The following ESRRG variants were observed in gnomAD, a reference collection of about 807,000 sequenced individuals.
ESRRG encodes estrogen-related receptor gamma.
In ESRRG, 13 loss-of-function variants were observed where a neutral mutation model predicts 44.0. The ratio of observed to expected loss-of-function variants is 0.30; its 90% CI spans 0.19 to 0.47. ESRRG has a LOEUF of 0.47. Among genes scored for constraint, ESRRG ranks in the 20% least tolerant of loss-of-function variants. ESRRG has a pLI of 1.00. For missense variants in ESRRG, 395 were observed against 580.6 expected (o/e 0.68, Z 3.29); for synonymous variants, 215 against 214.6 (o/e 1.00, Z -0.02).
At chr1:216,614,708 C>A (rs1231565104) in intron 3 of ESRRG, among the ~76,000 whole-genome samples, 1 of 152,162 alleles carries the variant, frequency 6.6e-6, no homozygotes, top group Admixed American at 6.5e-5. Context: ...AGAGTTGGTT[C>A]TAAAAATGGA....
chr1:216,552,233 T>C (rs1004190095), intron 5 of ESRRG, among the ~76,000 whole-genome samples: 4 of 152,114 alleles, frequency 2.6e-5, no homozygotes, highest in Non-Finnish European at 5.9e-5. Context: ...TGATATAATA[T>C]AGGAAAAAGT....
intron 2 of ESRRG, among the ~76,000 whole-genome samples, chr1:216,792,381 C>T (rs2094345599): frequency 6.6e-6 from 1 of 152,204 alleles, no homozygotes; most frequent in Non-Finnish European, 1.5e-5. Flanking sequence ...CTATTACTCT[C>T]TATATATTTC....
chr1:217,042,395 G>C (rs1410225155), intron 1 of ESRRG, among the ~76,000 whole-genome samples: 1 of 151,870 alleles, frequency 6.6e-6, no homozygotes, highest in Non-Finnish European at 1.5e-5. Flanking sequence ...CTCAGGCACA[G>C]AGTGTTGGCT....
At chr1:216,978,651 G>C (rs2073396403) in intron 1 of ESRRG, among the ~76,000 whole-genome samples, 1 of 152,138 alleles carries the variant, frequency 6.6e-6, no homozygotes, top group Non-Finnish European at 1.5e-5. Context: ...TGTGTGCAGT[G>C]CTTCTGAATG....
chr1:217,074,241 G>A (rs1465155609), intron 1 of ESRRG, among the ~76,000 whole-genome samples: 1 of 151,710 alleles, frequency 6.6e-6, no homozygotes, highest in Non-Finnish European at 1.5e-5. Context: ...TAGAGACAGG[G>A]TTTCACCATA....
intron 5 of ESRRG, among the ~76,000 whole-genome samples, chr1:216,560,817 A>C (rs1373618007): frequency 2.0e-5 from 3 of 152,198 alleles, no homozygotes; most frequent in South Asian, 2.1e-4. Context: ...TTGTGTTAGC[A>C]TGCGCTTATC....
intron 3 of ESRRG, among the ~76,000 whole-genome samples, chr1:216,590,348 A>C (rs879231392): frequency 2.6e-5 from 4 of 152,204 alleles, no homozygotes; most frequent in Non-Finnish European, 5.9e-5. Context: ...AAATTCCAGA[A>C]AAAAAACTCA....
chr1:216,762,616 T>C, intron 2 of ESRRG, among the ~76,000 whole-genome samples: 1 of 151,502 alleles, frequency 6.6e-6, no homozygotes, highest in Non-Finnish European at 1.5e-5. Context: ...GATGAGGAGT[T>C]AGTGGGTGCA....
At chr1:216,609,067 G>C (rs11572735) in intron 3 of ESRRG, among the ~76,000 whole-genome samples, 2,646 of 152,178 alleles carry the variant, frequency 0.017, 78 homozygotes, top group African/African-American at 0.06. Context: ...CTAACACTTG[G>C]TAATGAATCT....
At chr1:216,830,445 T>C (rs1203887022) in intron 2 of ESRRG, among the ~76,000 whole-genome samples, 1 of 152,140 alleles carries the variant, frequency 6.6e-6, no homozygotes, top group Non-Finnish European at 1.5e-5. Flanking sequence ...AACAAGTGGG[T>C]TCAAAAAGGA....
chr1:216,976,832 A>C (rs2073021754), intron 1 of ESRRG, among the ~76,000 whole-genome samples: 1 of 152,154 alleles, frequency 6.6e-6, no homozygotes, highest in South Asian at 2.1e-4. Flanking sequence ...AGGAAAAACA[A>C]AGAGAGAGAG....
intron 2 of ESRRG, among the ~76,000 whole-genome samples, chr1:216,923,314 G>T (rs972243866): frequency 6.6e-6 from 1 of 152,200 alleles, no homozygotes; most frequent in South Asian, 2.1e-4. Flanking sequence ...GAACCCCTCT[G>T]CTTTCATACA....
chr1:217,021,140 G>A (rs114445197), intron 1 of ESRRG, among the ~76,000 whole-genome samples: 3,368 of 152,002 alleles, frequency 0.022, 135 homozygotes, highest in African/African-American at 0.077. Flanking sequence ...TTAGGCTTGT[G>A]GTTGTTTCTC....
At chr1:216,858,401 C>T (rs1040374890) in intron 2 of ESRRG, among the ~76,000 whole-genome samples, 2 of 152,020 alleles carry the variant, frequency 1.3e-5, no homozygotes, top group Non-Finnish European at 2.9e-5. Context: ...TGTACCATTG[C>T]ACTACAGCCT....
At chr1:216,807,339 G>A in intron 2 of ESRRG, among the ~76,000 whole-genome samples, 1 of 152,134 alleles carries the variant, frequency 6.6e-6, no homozygotes, top group Non-Finnish European at 1.5e-5. Context: ...TTCTCTGGAT[G>A]TGGTTCAGGT....
At chr1:216,517,842 C>T (rs2044814238) in intron 6 of ESRRG, among the ~76,000 whole-genome samples, 1 of 152,032 alleles carries the variant, frequency 6.6e-6, no homozygotes, top group African/African-American at 2.4e-5. Flanking sequence ...AAGAGAGGTG[C>T]ATGGTGTGGT....
At chr1:216,656,721 T>A (rs565273392) in intron 2 of ESRRG, among the ~76,000 whole-genome samples, 69 of 152,320 alleles carry the variant, frequency 4.5e-4, no homozygotes, top group Non-Finnish European at 7.6e-4. Context: ...CACTCCCACA[T>A]GGTAATGATG....
intron 1 of ESRRG, among the ~76,000 whole-genome samples, chr1:217,045,192 G>A (rs1358890326): frequency 1.3e-5 from 2 of 152,144 alleles, no homozygotes; most frequent in Non-Finnish European, 2.9e-5. Flanking sequence ...CTTTGTGCAT[G>A]TAGAGATTTG....
intron 3 of ESRRG, among the ~76,000 whole-genome samples, chr1:216,639,341 C>T (rs1364485699): frequency 6.6e-6 from 1 of 152,154 alleles, no homozygotes; most frequent in Non-Finnish European, 1.5e-5. Context: ...TCCAAAACTT[C>T]TGTGTGCAGA....
Sources: allele counts gnomAD v4.1 joint callset (sites outside exome capture counted in the v4.1 genomes callset), GRCh38; gene constraint gnomAD v4.1.1; transcripts MANE v1.5; gene names NCBI Gene and HGNC (gene_info 2026-07-23, HGNC 2026-07-21).